Variants in CCDC12 observed in about 807,000 individuals in gnomAD.
CCDC12 encodes coiled-coil domain-containing protein 12.
CCDC12 carries 28 observed loss-of-function variants against 25.7 expected under a neutral mutation model. That is an observed-to-expected ratio of 1.09 (90% CI 0.81 to 1.50). The LOEUF is 1.50. Among genes scored for constraint, CCDC12 ranks in the 40% most tolerant of loss-of-function variants. The probability of loss-of-function intolerance (pLI) is 0.00; values close to 1 mark genes in which losing one functional copy is unlikely to be tolerated. For synonymous variants in CCDC12, 75 were observed against 87.7 expected, an observed-to-expected ratio of 0.86 and a Z score of 0.81; for missense variants, 198 against 210.0, an observed-to-expected ratio of 0.94 and a Z score of 0.35.
chr3:46,973,111 T>C (rs1372469565), intron 1 of CCDC12, among the ~76,000 whole-genome samples: 1 of 151,194 alleles, frequency 6.6e-6, no homozygotes, highest in African/African-American at 2.4e-5. Flanking sequence ...TCCCAGCACT[T>C]TGGGAGGCCG....
chr3:46,958,155 T>C (rs1455602940), intron 1 of CCDC12, among the ~76,000 whole-genome samples: 2 of 152,290 alleles, frequency 1.3e-5, no homozygotes, highest in African/African-American at 2.4e-5. Context: ...ATAAGTTTTA[T>C]TGGCGGTCTG....
At chr3:46,960,484 T>G (rs2034430624) in intron 1 of CCDC12, among the ~76,000 whole-genome samples, 1 of 152,210 alleles carries the variant, frequency 6.6e-6, no homozygotes, top group Admixed American at 6.5e-5. Flanking sequence ...GGAGGGGGGC[T>G]GTCCTTGAAA....
chr3:46,925,197 T>C, intron 3 of CCDC12: 1 of 659,832 alleles, frequency 1.5e-6, no homozygotes, highest in Non-Finnish European at 2.8e-6. Context: ...CAAACCCCAC[T>C]CAGATCCCTG....
At chr3:46,973,230 G>A (rs923935434) in intron 1 of CCDC12, among the ~76,000 whole-genome samples, 4 of 151,818 alleles carry the variant, frequency 2.6e-5, no homozygotes, top group African/African-American at 9.7e-5. Context: ...GCATACACCT[G>A]TAATCCCAGC....
At chr3:46,940,776 G>C in intron 2 of CCDC12, 1 of 581,226 alleles carries the variant, frequency 1.7e-6, no homozygotes, top group South Asian at 2.2e-5. Context: ...GCTGGGGGCT[G>C]AGTAACAGCC....
At chr3:46,963,974 C>T (rs978587867) in intron 1 of CCDC12, among the ~76,000 whole-genome samples, 3 of 151,596 alleles carry the variant, frequency 2.0e-5, no homozygotes, top group Admixed American at 6.6e-5. Context: ...AAGTGAGGAG[C>T]GCCTCTTCCC....
intron 1 of CCDC12, among the ~76,000 whole-genome samples, chr3:46,948,700 C>T (rs1289556276): frequency 2.6e-5 from 4 of 152,238 alleles, no homozygotes; most frequent in Non-Finnish European, 4.4e-5. Flanking sequence ...CACGCTGGGC[C>T]CCACCATCCA....
Position 46,923,337 on chromosome 3 carries a change from C to G in CCDC12, c.333G>C (p.Lys111Asn). ...EVDLANLAPRKPDWDLKRDVA... is the reference protein window; with the variant it reads ...EVDLANLAPRNPDWDLKRDVA... The stretch of plus-strand genomic sequence containing the variant: ...GCACGGGCAACACTCACCAGTCAGG[C>G]TTCCGAGGAGCGAGGTTGGCCAGGT... The change falls in exon 5 of 7, where the codon AAG becomes AAC. Residue 111 changes from lysine to asparagine, a missense_variant. Coordinates refer to ENST00000683445, the MANE Select transcript of CCDC12 (RefSeq NM_001277074.2). The G allele has an allele frequency of 6.7e-7, 1 of 1,492,528 alleles. No homozygotes were observed. Among genetic ancestry groups the G allele is most frequent in the Non-Finnish European group, 8.9e-7 (1 of 1,120,000 alleles). The allele number at this position is 1,492,528 out of a possible 1,614,324, so 92.5% of individuals were successfully genotyped here. A position where few individuals can be genotyped will look rare whatever the true frequency, so the allele number is the denominator to read the frequency against.
At chr3:46,975,279 A>G (rs2124510) in intron 1 of CCDC12, among the ~76,000 whole-genome samples, 143,403 of 151,596 alleles carry the variant, frequency 0.95, 68,361 homozygotes, top group East Asian at 1. Flanking sequence ...TTTGCCTCCC[A>G]GTTCAAGAAA....
intron 1 of CCDC12, among the ~76,000 whole-genome samples, chr3:46,943,073 G>A (rs1040553449): frequency 2.6e-5 from 4 of 152,160 alleles, no homozygotes; most frequent in Admixed American, 6.5e-5. Flanking sequence ...AGGAGAGACT[G>A]GAGAGAGTTC....
rs146596082 is a variant in CCDC12 at position 46,931,124 on chromosome 3, G to T, written c.165-5589C>A. 4.6e-5 allele frequency among the ~76,000 whole-genome samples: 7 copies of T among 152,324 alleles called. No individual in the cohort carries two copies. The East Asian group carries it at 1.3e-3, about 29-fold the overall frequency. ...GAGAGGGCAGGAATGTGGCTGGGCC[G>T]GGGCAGCCAACCCCTAAGCAACTTC... On this transcript the variant is annotated intron_variant, in intron 2 of 6. Coordinates refer to ENST00000683445, the MANE Select transcript of CCDC12 (RefSeq NM_001277074.2).
At position 46,971,292 on chromosome 3, in the gene CCDC12, G is replaced by C. The variant is rs536086986; in HGVS notation, c.96+5345C>G. Reference sequence around the variant, plus strand: ...GTACTGTCTTTCTGCGTGTCAACGGGAACTGGCTGACCTACAAGATGCTGC... The same window carrying C: ...GTACTGTCTTTCTGCGTGTCAACGGCAACTGGCTGACCTACAAGATGCTGC... On this transcript the variant is annotated intron_variant, in intron 1 of 6. Coordinates refer to ENST00000683445, the MANE Select transcript of CCDC12 (RefSeq NM_001277074.2). Among the ~76,000 whole-genome samples the C allele has an allele frequency of 2.6e-5, 4 of 152,320 alleles. No individual in the cohort carries two copies. In the East Asian group the frequency reaches 5.8e-4, roughly 22 times the overall value.
upstream of CCDC12, chr3:46,976,968 A>G: frequency 6.2e-4 from 339 of 545,190 alleles, no homozygotes; most frequent in East Asian, 7.3e-4. Flanking sequence ...AAAAAAAAAA[A>G]AGAAAAAAAA....
intron 2 of CCDC12, among the ~76,000 whole-genome samples, chr3:46,939,655 G>A (rs2033613742): frequency 6.6e-6 from 1 of 152,126 alleles, no homozygotes; most frequent in Non-Finnish European, 1.5e-5. Flanking sequence ...CAGGCCCAGT[G>A]CCGGCAGACC....
chr3:46,922,776 A>T (rs2032741832), intron 5 of CCDC12: 1 of 208,290 alleles, frequency 4.8e-6, no homozygotes, highest in African/African-American at 2.3e-5. Flanking sequence ...TGTTTCATCA[A>T]ATTAAAACAG....
chr3:46,967,821 A>G (rs1235103677), intron 1 of CCDC12, among the ~76,000 whole-genome samples: 1 of 152,228 alleles, frequency 6.6e-6, no homozygotes, highest in Non-Finnish European at 1.5e-5. Context: ...GGGAAAAAAA[A>G]GTATCCTTCT....
At chr3:46,968,401 C>T (rs2034701782) in intron 1 of CCDC12, among the ~76,000 whole-genome samples, 1 of 152,160 alleles carries the variant, frequency 6.6e-6, no homozygotes, top group African/African-American at 2.4e-5. Flanking sequence ...GCTGCAGGAC[C>T]ACCTGGATGT....
Position 46,976,596 on chromosome 3 carries a change from G to T in CCDC12, c.96+41C>A, listed in dbSNP as rs760060977. The T allele has an allele frequency of 5.7e-6, 9 of 1,586,504 alleles. No homozygotes were observed. The South Asian group carries it at 8.0e-5, about 14-fold the overall frequency. The stretch of plus-strand genomic sequence containing the variant: ...CTCAAGCGCGACCCGGACCCCGAAC[G>T]CTGGACGCCTCAACTGCGACCCTCA... On this transcript the variant is annotated intron_variant, in intron 1 of 6. Transcript: ENST00000683445.
chr3:46,944,244 TC>T (rs1212434135), intron 1 of CCDC12, among the ~76,000 whole-genome samples: 4 of 152,180 alleles, frequency 2.6e-5, no homozygotes, highest in African/African-American at 7.2e-5. Context: ...CAAGTCTGGA[TC>T]CAGGTCGTCC....
Sources: gnomAD v4.1 joint callset for allele counts (sites outside exome capture counted in the v4.1 genomes callset) on GRCh38, gnomAD v4.1.1 for gene constraint, MANE v1.5 for transcripts, NCBI Gene and HGNC (gene_info 2026-07-23, HGNC 2026-07-21) for gene names.